The following CDH13 variants were observed in gnomAD, a reference collection of about 807,000 sequenced individuals.
CDH13 encodes cadherin 13.
CDH13 carries 24 observed loss-of-function variants against 63.8 expected under a neutral mutation model. The ratio of observed to expected loss-of-function variants is 0.38; its 90% CI spans 0.27 to 0.53. The LOEUF (loss-of-function observed/expected upper bound fraction) is 0.53. Ranked by LOEUF, CDH13 falls within the 20% of genes least tolerant of loss-of-function variation. The probability of loss-of-function intolerance (pLI) is 0.85; values close to 1 mark genes in which losing one functional copy is unlikely to be tolerated. For missense variants in CDH13, 1,049 were observed against 903.1 expected, an observed-to-expected ratio of 1.16 and a Z score of -2.07; for synonymous variants, 503 against 355.3, an observed-to-expected ratio of 1.42 and a Z score of -4.67.
intron 8 of CDH13, among the ~76,000 whole-genome samples, chr16:83,650,887 A>G (rs1487214315): frequency 1.3e-5 from 2 of 152,084 alleles, no homozygotes; most frequent in African/African-American, 4.8e-5. Context: ...AGCCTGGGCA[A>G]CATAGTGAGA....
intron 4 of CDH13, among the ~76,000 whole-genome samples, chr16:83,187,700 G>A (rs985697129): frequency 5.3e-5 from 8 of 152,110 alleles, no homozygotes; most frequent in Admixed American, 6.5e-5. Flanking sequence ...TGTAAATTCC[G>A]TGGACACAGC....
chr16:83,060,477 A>T (rs889967185), intron 3 of CDH13, among the ~76,000 whole-genome samples: 1 of 152,174 alleles, frequency 6.6e-6, no homozygotes, highest in African/African-American at 2.4e-5. Context: ...CCTTACTCCA[A>T]ACCAGGACTT....
At chr16:83,108,594 C>T (rs2034899349) in intron 3 of CDH13, among the ~76,000 whole-genome samples, 1 of 152,124 alleles carries the variant, frequency 6.6e-6, no homozygotes, top group Non-Finnish European at 1.5e-5. Context: ...CACAGGTGGG[C>T]ATTATATAGA....
At chr16:83,179,305 C>T (rs1396260227) in intron 4 of CDH13, among the ~76,000 whole-genome samples, 1 of 151,994 alleles carries the variant, frequency 6.6e-6, no homozygotes, top group Non-Finnish European at 1.5e-5. Context: ...CCTTAAATCT[C>T]TCAACCCTAT....
intron 1 of CDH13, among the ~76,000 whole-genome samples, chr16:82,776,337 A>G (rs1470056393): frequency 6.6e-6 from 1 of 152,196 alleles, no homozygotes; most frequent in African/African-American, 2.4e-5. Flanking sequence ...GGCACTATCT[A>G]TGCCATATGC....
intron 5 of CDH13, among the ~76,000 whole-genome samples, chr16:83,220,655 GA>G (rs34803857): frequency 1.4e-5 from 2 of 137,932 alleles, no homozygotes; most frequent in African/African-American, 5.5e-5. Context: ...AACAGAGCAA[GA>G]AAAAAAAAGA....
chr16:83,381,084 T>C (rs2091558195), intron 6 of CDH13, among the ~76,000 whole-genome samples: 1 of 152,212 alleles, frequency 6.6e-6, no homozygotes, highest in African/African-American at 2.4e-5. Context: ...ATTGCTTTCT[T>C]GTTCCAGGAA....
chr16:82,771,566 G>A (rs988226958), intron 1 of CDH13, among the ~76,000 whole-genome samples: 2 of 152,226 alleles, frequency 1.3e-5, no homozygotes, highest in Admixed American at 1.3e-4. Flanking sequence ...AGGACATGGA[G>A]AAACGGAGGC....
At chr16:82,895,475 T>C (rs1430923229) in intron 2 of CDH13, among the ~76,000 whole-genome samples, 1 of 152,192 alleles carries the variant, frequency 6.6e-6, no homozygotes, top group Admixed American at 6.5e-5. Context: ...TCACTGGTTC[T>C]CCTCAAGTGG....
At chr16:83,432,163 G>A (rs1281112054) in intron 6 of CDH13, among the ~76,000 whole-genome samples, 1 of 152,124 alleles carries the variant, frequency 6.6e-6, no homozygotes, top group Admixed American at 6.6e-5. Context: ...TGCACAGCTG[G>A]AAATTTCAGA....
intron 5 of CDH13, among the ~76,000 whole-genome samples, chr16:83,250,592 C>T (rs1905405574): frequency 6.6e-6 from 1 of 152,038 alleles, no homozygotes; most frequent in African/African-American, 2.4e-5. Context: ...GTCGAGGGAA[C>T]AGTTTGGAGA....
chr16:83,726,694 CGAGCGTG>C (rs1910432129), intron 10 of CDH13, among the ~76,000 whole-genome samples: 1 of 152,086 alleles, frequency 6.6e-6, no homozygotes, highest in African/African-American at 2.4e-5. Flanking sequence ...AAAAATTAGC[CGAGCGTG>C]GAGGCGGGCC....
At chr16:82,971,270 T>C (rs1410019407) in intron 2 of CDH13, among the ~76,000 whole-genome samples, 2 of 152,262 alleles carry the variant, frequency 1.3e-5, no homozygotes, top group Admixed American at 1.3e-4. Context: ...AGCCGTTTTG[T>C]TGGCTGCTTT....
intron 1 of CDH13, among the ~76,000 whole-genome samples, chr16:82,842,175 CAT>C (rs1274304235): frequency 0.01 from 1,211 of 117,762 alleles, 24 homozygotes; most frequent in Middle Eastern, 0.017. Flanking sequence ...CACACACACA[CAT>C]ATATATACAC....
At chr16:83,383,449 C>T (rs1390029963) in intron 6 of CDH13, among the ~76,000 whole-genome samples, 1 of 152,192 alleles carries the variant, frequency 6.6e-6, no homozygotes, top group Non-Finnish European at 1.5e-5. Flanking sequence ...CCTTGACTCA[C>T]CTGCCAGTTC....
At chr16:83,593,397 C>T (rs1906947929) in intron 7 of CDH13, among the ~76,000 whole-genome samples, 2 of 152,248 alleles carry the variant, frequency 1.3e-5, no homozygotes, top group South Asian at 2.1e-4. Context: ...CAATAGCCAA[C>T]TGGTGTCTCT....
intron 6 of CDH13, among the ~76,000 whole-genome samples, chr16:83,396,129 C>T (rs1292780881): frequency 6.6e-6 from 1 of 152,152 alleles, no homozygotes; most frequent in Admixed American, 6.5e-5. Flanking sequence ...TGATCTTATT[C>T]CTTTTTATGG....
chr16:82,821,109 C>T (rs1362932865), intron 1 of CDH13, among the ~76,000 whole-genome samples: 1 of 152,202 alleles, frequency 6.6e-6, no homozygotes, highest in Non-Finnish European at 1.5e-5. Context: ...CTGATGACTA[C>T]TTAATCCTTG....
At chr16:83,716,984 T>A (rs1248583781) in intron 10 of CDH13, 4 of 154,084 alleles carry the variant, frequency 2.6e-5, no homozygotes, top group Non-Finnish European at 2.9e-5. Context: ...TGGTGGCTCA[T>A]ACCTGTAATC....
Sources: gnomAD v4.1 joint callset for allele counts (sites outside exome capture counted in the v4.1 genomes callset) on GRCh38, gnomAD v4.1.1 for gene constraint, MANE v1.5 for transcripts, NCBI Gene and HGNC (gene_info 2026-07-23, HGNC 2026-07-21) for gene names.